CLEC4F: variants seen among roughly 807,000 people sequenced by gnomAD.
CLEC4F encodes C-type (calcium dependent, carbohydrate-recognition domain) lectin, superfamily member 13.
CLEC4F carries 45 observed loss-of-function variants against 53.4 expected under a neutral mutation model. That is an observed-to-expected ratio of 0.84 (90% confidence interval 0.66 to 1.08). CLEC4F has a LOEUF of 1.08. Ranked by LOEUF, CLEC4F falls within the 50% of genes least tolerant of loss-of-function variation. The pLI is 0.00. For synonymous variants in CLEC4F, 245 were observed against 257.5 expected (o/e 0.95, Z 0.46); for missense variants, 753 against 698.2 (o/e 1.08, Z -0.88).
chr2:70,812,880 C>T (rs1676643662), intron 4 of CLEC4F, among the ~76,000 whole-genome samples: 2 of 152,200 alleles, frequency 1.3e-5, no homozygotes, highest in African/African-American at 2.4e-5. Flanking sequence ...CCCTCTCTCC[C>T]AACTCATTGC....
upstream of CLEC4F, among the ~76,000 whole-genome samples, chr2:70,822,818 C>T (rs1677259466): frequency 2.0e-5 from 3 of 152,220 alleles, no homozygotes; most frequent in African/African-American, 7.2e-5. Flanking sequence ...TGTTTCTTTG[C>T]TACTTTCACC....
In CLEC4F at chr2:70,809,178, A is replaced by C. The variant is rs782698997; in HGVS notation, c.*93T>G. ...GACATGGGATGAGTCTAGGGAGCTG[A>C]CTTGAGATGGGTCCTTCATCCCCTA... is the stretch of plus-strand genomic sequence containing the variant. On this transcript the variant is annotated 3_prime_UTR_variant, in exon 7 of 7. Transcript: ENST00000272367. The C allele has an allele frequency of 4.5e-5, 71 of 1,561,036 alleles. No individual in the cohort carries two copies. Among genetic ancestry groups the C allele is most frequent in the Non-Finnish European group, 6.2e-5 (71 of 1,151,752 alleles).
Position 70,816,918 on chromosome 2 carries a change from C to G in CLEC4F, c.463G>C (p.Val155Leu). ...TNADIQMVKG[V>L]LKDATTLSLQ... is the part of the protein sequence containing the mutation. The stretch of plus-strand genomic sequence containing the variant: ...CTCAATGTAGTGGCATCCTTTAGAA[C>G]TCCTTTTACCATCTGGATGTCAGCA... Residue 155 changes from valine to leucine, a missense_variant, in exon 4 of 7, where the codon GTT (valine) becomes CTT (leucine). Coordinates refer to ENST00000272367, the MANE Select transcript of CLEC4F (RefSeq NM_173535.3). 6.2e-7 allele frequency: 1 copy of G among 1,614,194 alleles called. No homozygotes were observed.
intron 1 of CLEC4F, among the ~76,000 whole-genome samples, 184 bp downstream of exon 1, chr2:70,820,279 G>A (rs567524860): frequency 6.6e-6 from 1 of 152,310 alleles, no homozygotes; most frequent in African/African-American, 2.4e-5. Context: ...GTGCAGAGCC[G>A]GGATTCCAAG....
Position 70,816,766 on chromosome 2 carries a change from T to C in CLEC4F, c.615A>G (p.Leu205=). ...FQTLNFLKSS[L]ENTSIELHVL... ...CGTGGAGCTCAATGCTGGTGTTTTCTAAACTGCTTTTTAAGAAATTCAGCG... is the reference window on the plus strand; with the variant it reads ...CGTGGAGCTCAATGCTGGTGTTTTCCAAACTGCTTTTTAAGAAATTCAGCG... The change falls in exon 4 of 7, where the codon TTA becomes TTG. Residue 205 remains leucine (L), a synonymous_variant. Transcript: ENST00000272367. The C allele has an allele frequency of 1.2e-6, 2 of 1,614,178 alleles. No homozygotes were observed. Among genetic ancestry groups the C allele is most frequent in the Non-Finnish European group, 1.7e-6 (2 of 1,180,036 alleles).
chr2:70,809,546 C>A (rs1676425961), intron 6 of CLEC4F, among the ~76,000 whole-genome samples, 164 bp from the exon 7 acceptor site: 1 of 152,166 alleles, frequency 6.6e-6, no homozygotes, highest in Non-Finnish European at 1.5e-5. Context: ...ACCACACATA[C>A]ACCTCGCACA....
At chr2:70,813,597 C>CTCTCTT (rs1676710119) in intron 4 of CLEC4F, among the ~76,000 whole-genome samples, 1 of 106,224 alleles carries the variant, frequency 9.4e-6, no homozygotes, top group Non-Finnish European at 1.9e-5. Context: ...CTCTTTCTTT[C>CTCTCTT]TCTTTCTTTC....
chr2:70,815,906 G>A, intron 4 of CLEC4F, 88 bp downstream of exon 4: 1 of 1,359,264 alleles, frequency 7.4e-7, no homozygotes, highest in Non-Finnish European at 1.0e-6. Context: ...GATGCATGTT[G>A]CAGTAAAAAA....
At chr2:70,810,716 C>A (rs1553394018) in intron 5 of CLEC4F, 1 of 346,850 alleles carries the variant, frequency 2.9e-6, no homozygotes, top group Non-Finnish European at 5.7e-6. Flanking sequence ...TATGGATACA[C>A]GATTGATGTG....
At chr2:70,823,510 C>A (rs1255556493), upstream of CLEC4F, among the ~76,000 whole-genome samples, 7 of 152,186 alleles carry the variant, frequency 4.6e-5, no homozygotes, top group African/African-American at 1.7e-4. Context: ...GCTGAGGGAA[C>A]CTCGAAGGCA....
upstream of CLEC4F, among the ~76,000 whole-genome samples, chr2:70,823,048 G>A (rs1285172424): frequency 3.9e-5 from 6 of 152,212 alleles, no homozygotes; most frequent in African/African-American, 9.6e-5. Flanking sequence ...AAGTCGCCCC[G>A]TGGGTAGGGG....
intron 6 of CLEC4F, 132 bp downstream of exon 6, chr2:70,809,607 C>T: frequency 2.5e-6 from 2 of 810,290 alleles, no homozygotes; most frequent in Non-Finnish European, 4.1e-6. Context: ...ACACATACAC[C>T]ACATACACAC....
rs1553393384 is a variant in CLEC4F at position 70,809,086 on chromosome 2, A to G, written c.*185T>C. The G allele has an allele frequency of 6.5e-7, 1 of 1,547,882 alleles. No homozygotes were observed. Among genetic ancestry groups the G allele is most frequent in the African/African-American group, 1.4e-5 (1 of 73,054 alleles). On this transcript the variant is annotated 3_prime_UTR_variant, in exon 7 of 7. Coordinates refer to ENST00000272367, the MANE Select transcript of CLEC4F (RefSeq NM_173535.3). Reference sequence around the variant, plus strand: ...CTGATTCTTTTCCCAAAACCCGAAGACAACAGGGCTTTATACTGTTAGATG... The same window carrying G: ...CTGATTCTTTTCCCAAAACCCGAAGGCAACAGGGCTTTATACTGTTAGATG...
intron 4 of CLEC4F, among the ~76,000 whole-genome samples, chr2:70,815,163 C>T (rs1192065585): frequency 2.0e-5 from 3 of 152,284 alleles, no homozygotes; most frequent in Non-Finnish European, 4.4e-5. Context: ...TGTCCACAGG[C>T]CAGTCAAAGA....
intron 4 of CLEC4F, among the ~76,000 whole-genome samples, chr2:70,813,605 T>TTC (rs1676715471): frequency 1.5e-5 from 2 of 134,168 alleles, no homozygotes; most frequent in East Asian, 4.0e-4. Context: ...TTCTCTTTCT[T>TTC]TCTTTCTTTC....
chr2:70,817,828 A>C (rs1192382512), intron 3 of CLEC4F, among the ~76,000 whole-genome samples: 1 of 152,220 alleles, frequency 6.6e-6, no homozygotes, highest in Non-Finnish European at 1.5e-5. Flanking sequence ...CCAGTGTTAC[A>C]TAGGGCAAGG....
upstream of CLEC4F, among the ~76,000 whole-genome samples, chr2:70,823,332 G>T (rs762741537): frequency 6.6e-6 from 1 of 152,152 alleles, no homozygotes; most frequent in Non-Finnish European, 1.5e-5. Context: ...CTCCTTCACC[G>T]CCACATAGAA....
chr2:70,810,574 G>T (rs1289323352), intron 5 of CLEC4F, among the ~76,000 whole-genome samples: 3 of 126,526 alleles, frequency 2.4e-5, no homozygotes, highest in African/African-American at 9.1e-5. Flanking sequence ...AGCCAAGATC[G>T]CACCATTGCA....
chr2:70,818,449 C>T (rs550365372), intron 3 of CLEC4F, among the ~76,000 whole-genome samples: 2 of 152,240 alleles, frequency 1.3e-5, no homozygotes, highest in African/African-American at 2.4e-5. Flanking sequence ...TGGTGGCTCA[C>T]GCCTGTAATC....
Sources: allele counts gnomAD v4.1 joint callset (sites outside exome capture counted in the v4.1 genomes callset), GRCh38; gene constraint gnomAD v4.1.1; transcripts MANE v1.5; gene names NCBI Gene and HGNC (gene_info 2026-07-23, HGNC 2026-07-21).